ADAMTS13: variants seen among roughly 807,000 people sequenced by gnomAD.
The protein encoded by ADAMTS13 is A disintegrin and metalloproteinase with thrombospondin motifs 13.
A neutral mutation model predicts 155.1 loss-of-function variants in ADAMTS13; 110 were observed. The observed-to-expected ratio is 0.71, with a 90% CI of 0.61 to 0.83. The LOEUF is 0.83. Ranked by LOEUF, ADAMTS13 falls within the 40% of genes least tolerant of loss-of-function variation. The pLI, the probability that ADAMTS13 is intolerant of heterozygous loss-of-function variation, is 0.00. For synonymous variants in ADAMTS13, 758 were observed against 756.4 expected (o/e 1.00, Z -0.03); for missense variants, 1,707 against 1,891.7 (o/e 0.90, Z 1.81).
At chr9:133,415,030 T>A (rs782541582) in intron 1 of ADAMTS13, 1 of 1,562,302 alleles carries the variant, frequency 6.4e-7, no homozygotes, top group South Asian at 1.2e-5. Context: ...CAAAATAAAA[T>A]ACATGCTGCA....
At position 133,440,145 on chromosome 9, in the gene ADAMTS13, C is replaced by T. The variant is rs587732904; in HGVS notation, c.1787-199C>T. ...AGCCCTGAGCCTGTTGAGTTCTGTG[C>T]GTGAGTGCACTTGGTCATAGCACTC... is the stretch of plus-strand genomic sequence containing the variant. On this transcript the variant is annotated intron_variant, in intron 15 of 28. Coordinates refer to ENST00000355699, the MANE Select transcript of ADAMTS13 (RefSeq NM_139027.6). The surrounding 1 kb of genome is among the most constrained non-coding windows in gnomAD (Gnocchi z 4.3). 3.9e-4 allele frequency among the ~76,000 whole-genome samples: 60 copies of T among 152,322 alleles called. No individual in the cohort carries two copies. The highest frequency in any genetic ancestry group is 3.2e-4 in the Non-Finnish European group (22 of 68,034).
intron 11 of ADAMTS13, among the ~76,000 whole-genome samples, chr9:133,435,608 TA>T (rs1841137559): frequency 6.6e-6 from 1 of 151,432 alleles, no homozygotes; most frequent in African/African-American, 2.4e-5. Context: ...CGGCTCACTC[TA>T]AGCTCCGCCT....
rs1055432 is a variant in ADAMTS13 at position 133,459,117 on chromosome 9, C to T, written c.4053C>T (p.Thr1351=). ...AQASLRGQYW[T]LQSWVPEMQD... ...CCAGCCTGCGGGGCCAGTACTGGAC[C>T]CTCCAATCATGGGTACCGGAGATGC... Residue 1351 remains threonine, a synonymous_variant, in exon 29 of 29, where the codon ACC becomes ACT. Transcript: ENST00000355699. 3.9e-5 allele frequency: 63 copies of T among 1,612,012 alleles called. No individual in the cohort carries two copies. Among genetic ancestry groups the T allele is most frequent in the Non-Finnish European group, 5.0e-5 (59 of 1,179,544 alleles).
intron 1 of ADAMTS13, chr9:133,415,146 A>G (rs1432320542): frequency 2.0e-5 from 14 of 705,806 alleles, no homozygotes; most frequent in Non-Finnish European, 3.0e-5. Context: ...CGCATCACTG[A>G]AATTCATTTT....
In ADAMTS13 at chr9:133,424,327, C is replaced by A; in HGVS notation, c.179C>A (p.Pro60His). The A allele has an allele frequency of 2.5e-6, 4 of 1,612,778 alleles. No individual in the cohort carries two copies. Among genetic ancestry groups the A allele is most frequent in the Non-Finnish European group, 3.4e-6 (4 of 1,179,926 alleles). Reference protein sequence around the residue: ...LSPGAPLKGRPPSPGFQRQRQ... With the variant: ...LSPGAPLKGRHPSPGFQRQRQ... The stretch of plus-strand genomic sequence containing the variant: ...TCTCCCTCTCCCCCTCCAGGCCGCC[C>A]TCCTTCCCCTGGCTTCCAGAGGCAG... The change falls in exon 3 of 29, where the codon CCT becomes CAT. Residue 60 changes from proline (P) to histidine (H), a missense_variant. Transcript: ENST00000355699. The surrounding 1 kb of genome is among the most constrained non-coding windows in gnomAD (Gnocchi z 4.3).
rs587602236 is a variant in ADAMTS13 at position 133,425,572 on chromosome 9, G to A, written c.374G>A (p.Arg125Gln). The A allele has an allele frequency of 1.4e-5, 22 of 1,613,660 alleles. No homozygotes were observed. The Middle Eastern group carries it at 8.3e-4, about 61-fold the overall frequency. The change falls in exon 4 of 29, where the codon CGG becomes CAG. Residue 125 changes from arginine to glutamine, a missense_variant. Physicochemically the swap from Arg to Gln is conservative, Grantham distance 43. This residue lies in a region of ADAMTS13 where 733 missense variants were observed against 749.6 expected (regional missense o/e 0.98). Transcript: ENST00000355699. This position sits in a 1 kb window ranked among gnomAD's most constrained non-coding sequence, Gnocchi z 4.6. ...LRDPSLGAQF[R>Q]VHLVKMVILT... ...GACCCGTCCCTGGGGGCTCAGTTTC[G>A]GGTGCACCTGGTGAAGATGGTCATT...
At position 133,456,141 on chromosome 9, in the gene ADAMTS13, C is replaced by T. The variant is rs782462227; in HGVS notation, c.3473C>T (p.Ala1158Val). The change falls in exon 26 of 29, where the codon GCA becomes GTA. Residue 1158 changes from alanine (A) to valine (V), a missense_variant. Ala to Val is a moderately conservative substitution (Grantham distance 64). Around this residue, in one of 3 missense-constraint regions of ADAMTS13, gnomAD observed 961 missense variants for 1,107.9 expected, o/e 0.87. Coordinates refer to ENST00000355699, the MANE Select transcript of ADAMTS13 (RefSeq NM_139027.6). This position sits in a 1 kb window ranked among gnomAD's most constrained non-coding sequence, Gnocchi z 4.4. ...DMRGPGQADCAVAIGRPLGEV... is the reference protein window; with the variant it reads ...DMRGPGQADCVVAIGRPLGEV... ...CGAGGCCCAGGGCAGGCAGACTGTG[C>T]AGTGGCCATTGGGCGGCCCCTCGGG... 6.2e-7 allele frequency: 1 copy of T among 1,613,464 alleles called. No individual in the cohort carries two copies. The highest frequency in any genetic ancestry group is 8.5e-7 in the Non-Finnish European group (1 of 1,180,032).
intron 28 of ADAMTS13, 56 bp from the exon 29 acceptor site, chr9:133,458,918 G>T: frequency 6.6e-7 from 1 of 1,512,166 alleles, no homozygotes; most frequent in Non-Finnish European, 9.1e-7. Flanking sequence ...GAAGGCTTCC[G>T]TGAGTGCTAA....
chr9:133,436,777 C>CGGGGGG, intron 11 of ADAMTS13, 52 bp from the exon 12 acceptor site: 2 of 527,460 alleles, frequency 3.8e-6, no homozygotes, highest in Non-Finnish European at 7.1e-6. Context: ...CCAGTGACAA[C>CGGGGGG]ACCCGCCCCC....
chr9:133,456,296 G>A lies in ADAMTS13; in HGVS notation c.3547+81G>A. 6.2e-7 allele frequency: 1 copy of A among 1,600,788 alleles called. No homozygotes were observed. The highest frequency in any genetic ancestry group is 8.5e-7 in the Non-Finnish European group (1 of 1,173,942). On this transcript the variant is annotated intron_variant, in intron 26 of 28. Coordinates refer to ENST00000355699, the MANE Select transcript of ADAMTS13 (RefSeq NM_139027.6). The surrounding 1 kb of genome is among the most constrained non-coding windows in gnomAD (Gnocchi z 4.4). ...GCACGACGCTGCATGCCCCATTCCT[G>A]GCAGGAGCCCATGTGCATTCCCACC...
In ADAMTS13 at chr9:133,448,672, G is replaced by T; in HGVS notation, c.2805G>T (p.Leu935=). Residue 935 remains leucine (L), a synonymous_variant, in exon 22 of 29, where the codon CTG becomes CTT. Transcript: ENST00000355699. Reference sequence around the variant, plus strand: ...CTGTCCAGGAAGAGCTGTGTGGCCTGGCAAGCAAGCCTGGGAGCCGGCGGG... The same window carrying T: ...CTGTCCAGGAAGAGCTGTGTGGCCTTGCAAGCAAGCCTGGGAGCCGGCGGG... ...RVPVQEELCG[L]ASKPGSRREV... The T allele has an allele frequency of 6.2e-7, 1 of 1,607,708 alleles. No individual in the cohort carries two copies. The highest frequency in any genetic ancestry group is 1.1e-5 in the South Asian group (1 of 91,024).
intron 10 of ADAMTS13, 29 bp downstream of exon 10, chr9:133,433,558 G>A (rs782527498): frequency 3.7e-6 from 6 of 1,613,764 alleles, no homozygotes; most frequent in Non-Finnish European, 4.2e-6. Context: ...TTTTCTGTCA[G>A]GGAGTGTGGC....
chr9:133,432,482 C>A, intron 8 of ADAMTS13, 106 bp from the exon 9 acceptor site: 1 of 995,140 alleles, frequency 1.0e-6, no homozygotes, highest in Non-Finnish European at 1.5e-6. Context: ...AGAGTGTTGG[C>A]TGTGTCAGTG....
At position 133,456,512 on chromosome 9, in the gene ADAMTS13, G is replaced by A; in HGVS notation, c.3548-31G>A. Reference sequence around the variant, plus strand: ...TCCTCTGCTGACCAGGCGTGGGAGTGCTGGACCCTCACTGCCCTGCCGCTT... The same window carrying A: ...TCCTCTGCTGACCAGGCGTGGGAGTACTGGACCCTCACTGCCCTGCCGCTT... On this transcript the variant is annotated intron_variant, in intron 26 of 28. Coordinates refer to ENST00000355699, the MANE Select transcript of ADAMTS13 (RefSeq NM_139027.6). The surrounding 1 kb of genome is among the most constrained non-coding windows in gnomAD (Gnocchi z 4.4). 3 of 1,609,608 alleles carry A rather than the reference G, an allele frequency of 1.9e-6. No homozygotes were observed. The highest frequency in any genetic ancestry group is 1.3e-5 in the African/African-American group (1 of 74,962).
Position 133,447,480 on chromosome 9 carries a change from C to A in ADAMTS13, c.2732-1119C>A, listed in dbSNP as rs113801620. Among the ~76,000 whole-genome samples, 29 of 152,212 alleles carry A rather than the reference C, an allele frequency of 1.9e-4. 1 individual carries two copies. Among genetic ancestry groups the A allele is most frequent in the African/African-American group, 6.5e-4 (27 of 41,536 alleles). ...CAGAGATGGGATCTCCCTATGTTGC[C>A]CAGCCTGATCTCCTGAGCTCAAGCG... On this transcript the variant is annotated intron_variant, in intron 21 of 28. Coordinates refer to ENST00000355699, the MANE Select transcript of ADAMTS13 (RefSeq NM_139027.6).
Position 133,456,317 on chromosome 9 carries a change from C to T in ADAMTS13, c.3547+102C>T, listed in dbSNP as rs1842740565. 2.6e-6 allele frequency: 4 copies of T among 1,561,488 alleles called. No homozygotes were observed. Among genetic ancestry groups the T allele is most frequent in the Non-Finnish European group, 3.5e-6 (4 of 1,145,920 alleles). On this transcript the variant is annotated intron_variant, in intron 26 of 28. Coordinates refer to ENST00000355699, the MANE Select transcript of ADAMTS13 (RefSeq NM_139027.6). This position sits in a 1 kb window ranked among gnomAD's most constrained non-coding sequence, Gnocchi z 4.4. The stretch of plus-strand genomic sequence containing the variant: ...TCCTGGCAGGAGCCCATGTGCATTC[C>T]CACCTGTAGTTTGCATCCCATCTCA...
At chr9:133,454,168 G>T (rs587631043) in intron 23 of ADAMTS13, among the ~76,000 whole-genome samples, 2 of 152,088 alleles carry the variant, frequency 1.3e-5, no homozygotes, top group African/African-American at 4.8e-5. Context: ...TGATAAAGGC[G>T]ACTAGAGGGG....
At chr9:133,419,373 A>G (rs1839853551), upstream of ADAMTS13, among the ~76,000 whole-genome samples, 1 of 152,200 alleles carries the variant, frequency 6.6e-6, no homozygotes, top group Non-Finnish European at 1.5e-5. Flanking sequence ...CAGCAGCAGG[A>G]TATAAGATTC....
chr9:133,443,311 C>T, intron 18 of ADAMTS13, 65 bp from the exon 19 acceptor site: 2 of 1,537,918 alleles, frequency 1.3e-6, no homozygotes, highest in Non-Finnish European at 1.7e-6. Flanking sequence ...CAGCACCTGC[C>T]ACCCCATCAC....
Sources: allele counts gnomAD v4.1 joint callset (sites outside exome capture counted in the v4.1 genomes callset), GRCh38; gene constraint gnomAD v4.1.1; regional missense constraint gnomAD v4.1.1; non-coding constraint Gnocchi (gnomAD v3.1); transcripts MANE v1.5; gene names NCBI Gene and HGNC (gene_info 2026-07-23, HGNC 2026-07-21).